Variants in FLT1 observed in about 807,000 individuals in gnomAD.
FLT1 encodes fms related receptor tyrosine kinase 1.
Under a neutral mutation model 156.3 loss-of-function variants are expected in FLT1, and 49 were observed. The observed-to-expected ratio is 0.31, with a 90% CI of 0.25 to 0.40. The LOEUF (loss-of-function observed/expected upper bound fraction) is 0.40. Among genes scored for constraint, FLT1 ranks in the 10% least tolerant of loss-of-function variants. FLT1 has a pLI of 1.00. For missense variants in FLT1, 1,322 were observed against 1,637.2 expected (o/e 0.81, Z 3.32); for synonymous variants, 594 against 583.8 (o/e 1.02, Z -0.25).
intron 1 of FLT1, among the ~76,000 whole-genome samples, chr13:28,474,772 A>G (rs1880454093): frequency 1.3e-5 from 2 of 152,264 alleles, no homozygotes; most frequent in South Asian, 2.1e-4. Context: ...TGAATGGACC[A>G]AAAACCACTG....
intron 27 of FLT1, among the ~76,000 whole-genome samples, chr13:28,309,884 C>CTTTTTTT (rs60568918): frequency 2.2e-5 from 2 of 90,874 alleles, no homozygotes; most frequent in Non-Finnish European, 4.0e-5. Context: ...TTCTTTTTTC[C>CTTTTTTT]TTTTTTTTTT....
At chr13:28,440,489 G>T (rs550869224) in intron 3 of FLT1, among the ~76,000 whole-genome samples, 1 of 152,306 alleles carries the variant, frequency 6.6e-6, no homozygotes, top group African/African-American at 2.4e-5. Context: ...GGTGACAATG[G>T]TTTTTCAGAG....
intron 3 of FLT1, among the ~76,000 whole-genome samples, chr13:28,455,453 C>A (rs1879204789): frequency 6.6e-6 from 1 of 152,080 alleles, no homozygotes; most frequent in African/African-American, 2.4e-5. Context: ...AAAAATGAGG[C>A]TAGACACAGA....
At position 28,351,700 on chromosome 13, in the gene FLT1, A is replaced by G. The variant is rs576205299; in HGVS notation, c.2248+5854T>C. On this transcript the variant is annotated intron_variant, in intron 15 of 29. Coordinates refer to ENST00000282397, the MANE Select transcript of FLT1 (RefSeq NM_002019.4). ...AGTACTGTTAAGTAAGGATATTTAA[A>G]TTGCTGTTACGTGACGTTAGTTCTG... Among the ~76,000 whole-genome samples, 30 of 152,324 alleles carry G rather than the reference A, an allele frequency of 2.0e-4. 1 individual carries two copies. The highest frequency in any genetic ancestry group is 1.6e-3 in the Admixed American group (24 of 15,304).
rs1292945165 is a variant in FLT1, at chr13:28,345,440, C to A, written c.2355+5G>T. 1.9e-6 allele frequency: 3 copies of A among 1,561,342 alleles called. No individual in the cohort carries two copies. In the Admixed American group the frequency reaches 5.0e-5, roughly 26 times the overall value. On this transcript the variant is annotated splice_donor_5th_base_variant and intron_variant, in intron 16 of 29. Coordinates refer to ENST00000282397, the MANE Select transcript of FLT1 (RefSeq NM_002019.4). ...AGGAGCATAGAACATCACCTATGTT[C>A]TTACCCTTTTCATTTTTCGGATAAA...
rs374389137 is a variant in FLT1 at position 28,370,357 on chromosome 13, C to T, written c.2117-12672G>A. Reference sequence around the variant, plus strand: ...GGGAAGGATAGCATTAGGAGATATACCTAATGTTAAATGACGAGTTAATGG... The same window carrying T: ...GGGAAGGATAGCATTAGGAGATATATCTAATGTTAAATGACGAGTTAATGG... On this transcript the variant is annotated intron_variant, in intron 14 of 29. Transcript: ENST00000282397. 5.3e-5 allele frequency among the ~76,000 whole-genome samples: 8 copies of T among 152,098 alleles called. No individual in the cohort carries two copies. In the East Asian group the frequency reaches 1.5e-3, roughly 29 times the overall value.
At chr13:28,483,048 C>T (rs1282804121) in intron 1 of FLT1, among the ~76,000 whole-genome samples, 1 of 152,168 alleles carries the variant, frequency 6.6e-6, no homozygotes, top group Non-Finnish European at 1.5e-5. Flanking sequence ...TATTTCCACA[C>T]ATATATTTTT....
intron 1 of FLT1, among the ~76,000 whole-genome samples, chr13:28,471,436 T>C (rs1469398409): frequency 6.6e-6 from 1 of 152,230 alleles, no homozygotes; most frequent in South Asian, 2.1e-4. Context: ...ACACATTTCT[T>C]TGAGGCAGTT....
chr13:28,347,678 T>C (rs1275116849), intron 15 of FLT1, among the ~76,000 whole-genome samples: 2 of 152,218 alleles, frequency 1.3e-5, no homozygotes, highest in Non-Finnish European at 2.9e-5. Flanking sequence ...CCTGCCCAAA[T>C]CATAGCAAAT....
At chr13:28,394,694 G>A (rs531599029) in intron 12 of FLT1, among the ~76,000 whole-genome samples, 7 of 152,240 alleles carry the variant, frequency 4.6e-5, no homozygotes, top group Non-Finnish European at 7.4e-5. Context: ...GATCCCTGTC[G>A]CAGCTCTGTT....
At position 28,300,988 on chromosome 13, in the gene FLT1, A is replaced by AC; in HGVS notation, c.*2178dup. The AC allele has an allele frequency of 2.1e-5, 5 of 232,812 alleles. No homozygotes were observed. Among genetic ancestry groups the AC allele is most frequent in the Middle Eastern group, 1.3e-3 (1 of 784 alleles). 14.4% of individuals were successfully genotyped at this position (232,812 alleles called of 1,614,324 possible). ...GAACCATTCTTTGACTGATGGATGGACTCATGTATGCTACAAACCTGAGTT... is the reference window on the plus strand; with the variant it reads ...GAACCATTCTTTGACTGATGGATGGACCTCATGTATGCTACAAACCTGAGTT... On this transcript the variant is annotated 3_prime_UTR_variant, in exon 30 of 30. Coordinates refer to ENST00000282397, the MANE Select transcript of FLT1 (RefSeq NM_002019.4).
intron 24 of FLT1, among the ~76,000 whole-genome samples, chr13:28,317,885 C>T (rs1216737196): frequency 6.6e-6 from 1 of 152,218 alleles, no homozygotes; most frequent in Non-Finnish European, 1.5e-5. Context: ...GGGGTGTCGT[C>T]TGAAGGGTCC....
At chr13:28,412,200 T>A (rs1010301823) in intron 10 of FLT1, among the ~76,000 whole-genome samples, 4 of 152,220 alleles carry the variant, frequency 2.6e-5, no homozygotes, top group African/African-American at 9.6e-5. Flanking sequence ...AACATTCCTC[T>A]GCTACTGTGG....
At chr13:28,441,231 C>A (rs533301108) in intron 3 of FLT1, among the ~76,000 whole-genome samples, 112 of 152,306 alleles carry the variant, frequency 7.4e-4, no homozygotes, top group Non-Finnish European at 1.4e-3. Flanking sequence ...AAACACAGTG[C>A]GCATGTGGCT....
chr13:28,441,246 C>T (rs1185108206), intron 3 of FLT1, among the ~76,000 whole-genome samples: 1 of 152,148 alleles, frequency 6.6e-6, no homozygotes, highest in Non-Finnish European at 1.5e-5. Flanking sequence ...GTGGCTCCTC[C>T]CAGGTGCTGG....
intron 3 of FLT1, among the ~76,000 whole-genome samples, chr13:28,443,612 G>A (rs993369009): frequency 3.3e-5 from 5 of 152,178 alleles, no homozygotes; most frequent in African/African-American, 1.2e-4. Context: ...CATTTTAAAG[G>A]AGGGTATGAT....
chr13:28,440,150 T>C (rs1442168355), intron 3 of FLT1, among the ~76,000 whole-genome samples: 1 of 152,208 alleles, frequency 6.6e-6, no homozygotes, highest in Non-Finnish European at 1.5e-5. Flanking sequence ...AGTGTTCCCA[T>C]TGATTCTGTT....
At chr13:28,469,004 C>T (rs718273) in intron 1 of FLT1, among the ~76,000 whole-genome samples, 34,440 of 152,078 alleles carry the variant, frequency 0.23, 4,605 homozygotes, top group Non-Finnish European at 0.31. Context: ...GGATCTCTCT[C>T]GCCTCCTTCC....
chr13:28,372,070 ATATATATTTTTTT>A (rs1486156625), intron 14 of FLT1, among the ~76,000 whole-genome samples: 2 of 17,244 alleles, frequency 1.2e-4, no homozygotes, highest in African/African-American at 3.0e-4. Flanking sequence ...ATATATATAT[ATATATATTTTTTT>A]TTTTTTTTTT....
Sources: allele counts gnomAD v4.1 joint callset (sites outside exome capture counted in the v4.1 genomes callset), GRCh38; gene constraint gnomAD v4.1.1; transcripts MANE v1.5; gene names NCBI Gene and HGNC (gene_info 2026-07-23, HGNC 2026-07-21).